The following SS18L1 variants were observed in gnomAD, a reference collection of about 807,000 sequenced individuals.
SS18L1 encodes the protein SS18L1 subunit of BAF chromatin remodeling complex.
SS18L1 carries 32 observed loss-of-function variants against 70.3 expected under a neutral mutation model. That is an observed-to-expected ratio of 0.46 (90% CI 0.34 to 0.61). SS18L1 has a LOEUF of 0.61. SS18L1 is among the 20% of genes least tolerant of loss of function. The pLI, the probability that SS18L1 is intolerant of heterozygous loss-of-function variation, is 0.01. For missense variants in SS18L1, 430 were observed against 542.1 expected (o/e 0.79, Z 2.05); for synonymous variants, 237 against 229.7 (o/e 1.03, Z -0.29).
At chr20:62,169,782 A>G (rs1365144463) in intron 8 of SS18L1, among the ~76,000 whole-genome samples, 3 of 127,360 alleles carry the variant, frequency 2.4e-5, no homozygotes, top group African/African-American at 8.6e-5. Context: ...TCCATCTCCA[A>G]AAAAAAAAAA....
At position 62,174,586 on chromosome 20, in the gene SS18L1, A is replaced by T; in HGVS notation, c.1106A>T (p.Tyr369Phe). 6.2e-7 allele frequency: 1 copy of T among 1,613,848 alleles called. No individual in the cohort carries two copies. The highest frequency in any genetic ancestry group is 8.5e-7 in the Non-Finnish European group (1 of 1,180,044). ...GGCCAAGGCCAGCAGTACGGAAGCT[A>T]CCGAGCACCGCAGACAGCGCCGTCT... The part of the protein sequence containing the change: ...QQGQGQQYGS[Y>F]RAPQTAPSAQ... The change falls in exon 10 of 11, where the codon TAC becomes TTC. Residue 369 changes from tyrosine (Y) to phenylalanine (F), a missense_variant. Tyr to Phe is a conservative substitution (Grantham distance 22). Coordinates refer to ENST00000331758, the MANE Select transcript of SS18L1 (RefSeq NM_198935.3). The surrounding 1 kb of genome is among the most constrained non-coding windows in gnomAD (Gnocchi z 4.1).
rs933341450 is a variant in SS18L1 at position 62,158,613 on chromosome 20, C to T, written c.70-59C>T. 15 of 1,590,188 alleles carry T rather than the reference C, an allele frequency of 9.4e-6. No homozygotes were observed. Among genetic ancestry groups the T allele is most frequent in the Non-Finnish European group, 1.3e-5 (15 of 1,170,914 alleles). On this transcript the variant is annotated intron_variant, in intron 1 of 10. Coordinates refer to ENST00000331758, the MANE Select transcript of SS18L1 (RefSeq NM_198935.3). The surrounding 1 kb of genome is among the most constrained non-coding windows in gnomAD (Gnocchi z 4.5). ...AACTAGATGTGTAGCGATGGCTGTT[C>T]ATCCCGAGGGTCAGCGACAGCCCCG...
In SS18L1 at chr20:62,174,375, T is replaced by C. The variant is rs1363110158; in HGVS notation, c.1037-142T>C. 1 of 1,395,376 alleles carries C rather than the reference T, an allele frequency of 7.2e-7. No individual in the cohort carries two copies. The allele number at this position is 1,395,376 out of a possible 1,614,324, so 86.4% of individuals were successfully genotyped here. A position where few individuals can be genotyped will look rare whatever the true frequency, so the allele number is the denominator to read the frequency against. On this transcript the variant is annotated intron_variant, in intron 9 of 10. Coordinates refer to ENST00000331758, the MANE Select transcript of SS18L1 (RefSeq NM_198935.3). This position sits in a 1 kb window ranked among gnomAD's most constrained non-coding sequence, Gnocchi z 4.1. ...AGCCACGTGCAGGTGCCAGGTGTTC[T>C]GGAGATTGACAAAAGGCTGATGCAT...
At chr20:62,162,646 G>A in intron 4 of SS18L1, 106 bp from the exon 5 acceptor site, 1 of 1,205,640 alleles carries the variant, frequency 8.3e-7, no homozygotes, top group Non-Finnish European at 1.1e-6. Flanking sequence ...GCTGTTGATA[G>A]CAACTCTTCC....
At chr20:62,157,196 C>A (rs1043425541) in intron 1 of SS18L1, among the ~76,000 whole-genome samples, 3 of 152,218 alleles carry the variant, frequency 2.0e-5, no homozygotes, top group Admixed American at 2.0e-4. Context: ...TGGCCCCAGC[C>A]CCTGTTCCTC....
At chr20:62,152,500 G>A (rs2057152120) in intron 1 of SS18L1, among the ~76,000 whole-genome samples, 1 of 152,218 alleles carries the variant, frequency 6.6e-6, no homozygotes, top group South Asian at 2.1e-4. Flanking sequence ...CCCTGAACCT[G>A]TAGAAACTCG....
chr20:62,161,324 G>T lies in SS18L1; in HGVS notation c.232-112G>T. ...GCTGATTACGAACATTGACCAGGTG[G>T]CCATGATGTGTGGCGGCAAATCTCG... On this transcript the variant is annotated intron_variant, in intron 3 of 10. Coordinates refer to ENST00000331758, the MANE Select transcript of SS18L1 (RefSeq NM_198935.3). The surrounding 1 kb of genome is among the most constrained non-coding windows in gnomAD (Gnocchi z 4.4). The T allele has an allele frequency of 6.9e-7, 1 of 1,459,054 alleles. No homozygotes were observed. Among genetic ancestry groups the T allele is most frequent in the Non-Finnish European group, 9.6e-7 (1 of 1,046,506 alleles). The allele number at this position is 1,459,054 out of a possible 1,614,324, so 90.4% of individuals were successfully genotyped here.
chr20:62,179,625 A>G lies in SS18L1; in HGVS notation c.*417A>G, dbSNP rs2057678136. 1 of 233,158 alleles carries G rather than the reference A, an allele frequency of 4.3e-6. No individual in the cohort carries two copies. The highest frequency in any genetic ancestry group is 6.2e-5 in the East Asian group (1 of 16,038). 14.4% of individuals were successfully genotyped at this position (233,158 alleles called of 1,614,324 possible). Reference sequence around the variant, plus strand: ...CATTTTCCTCCTCATGCAGTGTTGTAGTGTGGGTTGTCAACTTTTCTTTAA... The same window carrying G: ...CATTTTCCTCCTCATGCAGTGTTGTGGTGTGGGTTGTCAACTTTTCTTTAA... On this transcript the variant is annotated 3_prime_UTR_variant, in exon 11 of 11. Transcript: ENST00000331758.
rs1216570693 is a variant in SS18L1, at chr20:62,167,042, G to GTTTTT, written c.916+1545_916+1549dup. On this transcript the variant is annotated intron_variant, in intron 8 of 10. Coordinates refer to ENST00000331758, the MANE Select transcript of SS18L1 (RefSeq NM_198935.3). Reference sequence around the variant, plus strand: ...ATTGCTTGAGCTCAGGAGTTTGTTTGTTTTTTTTTTTTTTTTTTTTTGAGA... The same window carrying GTTTTT: ...ATTGCTTGAGCTCAGGAGTTTGTTTGTTTTTTTTTTTTTTTTTTTTTTTTTTGAGA... Among the ~76,000 whole-genome samples, 268 of 88,094 alleles carry GTTTTT rather than the reference G, an allele frequency of 3.0e-3. 1 individual carries two copies. Among genetic ancestry groups the GTTTTT allele is most frequent in the East Asian group, 6.4e-3 (15 of 2,338 alleles). The allele number at this position is 88,094 out of a possible 152,430, so 57.8% of individuals were successfully genotyped here.
At chr20:62,169,662 C>G (rs1267930529) in intron 8 of SS18L1, among the ~76,000 whole-genome samples, 1 of 152,050 alleles carries the variant, frequency 6.6e-6, no homozygotes, top group Non-Finnish European at 1.5e-5. Context: ...GTCTGTAAAG[C>G]CAGCTGCTTG....
Position 62,174,978 on chromosome 20 carries a change from C to T in SS18L1, c.1164+334C>T. On this transcript the variant is annotated intron_variant, in intron 10 of 10. Transcript: ENST00000331758. The surrounding 1 kb of genome is among the most constrained non-coding windows in gnomAD (Gnocchi z 4.1). ...TTGGTGTGTGGCCGCGACACGAACC[C>T]TGCACTTTTAGAGCTTATGTCTCGC... 1.1e-6 allele frequency: 1 copy of T among 916,430 alleles called. No individual in the cohort carries two copies. The highest frequency in any genetic ancestry group is 5.0e-5 in the South Asian group (1 of 19,886). 56.8% of individuals were successfully genotyped at this position (916,430 alleles called of 1,614,324 possible).
intron 1 of SS18L1, chr20:62,154,279 A>G (rs780286280): frequency 5.9e-6 from 6 of 1,012,752 alleles, no homozygotes; most frequent in Non-Finnish European, 7.1e-6. Flanking sequence ...TGACTCTGAC[A>G]GTTTTTGAAG....
Position 62,179,294 on chromosome 20 carries a change from C to T in SS18L1, c.*86C>T. The T allele has an allele frequency of 5.3e-6, 8 of 1,498,794 alleles. No homozygotes were observed. The highest frequency in any genetic ancestry group is 2.3e-5 in the East Asian group (1 of 44,356). The allele number at this position is 1,498,794 out of a possible 1,614,324, so 92.8% of individuals were successfully genotyped here. The stretch of plus-strand genomic sequence containing the variant: ...TGGCGGCAGCTCTGGTGAATTGTGA[C>T]ATGTTGGTTACCTGTTCGCCCAGTG... On this transcript the variant is annotated 3_prime_UTR_variant, in exon 11 of 11. Transcript: ENST00000331758.
chr20:62,176,330 T>C (rs6121943), intron 10 of SS18L1, among the ~76,000 whole-genome samples: 13,680 of 151,386 alleles, frequency 0.09, 758 homozygotes, highest in South Asian at 0.2. Flanking sequence ...CCAGCCAGGG[T>C]AACATAGCAA....
At chr20:62,153,797 G>GTTGGGTC (rs1055400222) in intron 1 of SS18L1, among the ~76,000 whole-genome samples, 6 of 152,308 alleles carry the variant, frequency 3.9e-5, no homozygotes, top group African/African-American at 1.4e-4. Context: ...CTTCTCTTGG[G>GTTGGGTC]TTGGGTCTTG....
At chr20:62,160,080 C>A (rs919710759) in intron 3 of SS18L1, 119 bp downstream of exon 3, 1 of 984,572 alleles carries the variant, frequency 1.0e-6, no homozygotes, top group African/African-American at 1.6e-5. Flanking sequence ...ACCAAAAATA[C>A]CACTAGAGCC....
chr20:62,167,317 AC>A (rs1359950867), intron 8 of SS18L1, among the ~76,000 whole-genome samples: 1 of 149,718 alleles, frequency 6.7e-6, no homozygotes, highest in Non-Finnish European at 1.5e-5. Context: ...TGCTGGGATT[AC>A]AGGCGTGAGC....
intron 10 of SS18L1, among the ~76,000 whole-genome samples, chr20:62,176,266 C>T (rs2057618052): frequency 6.6e-6 from 1 of 152,226 alleles, no homozygotes; most frequent in African/African-American, 2.4e-5. Flanking sequence ...GCCTGTAATC[C>T]CAGCACTTTG....
chr20:62,174,696 CAT>C lies in SS18L1; in HGVS notation c.1164+54_1164+55del, dbSNP rs764238534. 4 of 1,612,610 alleles carry C rather than the reference CAT, an allele frequency of 2.5e-6. No homozygotes were observed. In the Middle Eastern group the frequency reaches 5.0e-4, roughly 200 times the overall value. On this transcript the variant is annotated intron_variant, in intron 10 of 10. Transcript: ENST00000331758. The surrounding 1 kb of genome is among the most constrained non-coding windows in gnomAD (Gnocchi z 4.1). ...TGCCCATCCGCCGCGCCTGTCGAGA[CAT>C]AATGAAGATTTCTCTTATGGCCATG... is the stretch of plus-strand genomic sequence containing the variant.
Sources: gnomAD v4.1 joint callset for allele counts (sites outside exome capture counted in the v4.1 genomes callset) on GRCh38, gnomAD v4.1.1 for gene constraint, Gnocchi (gnomAD v3.1) non-coding constraint, MANE v1.5 for transcripts, NCBI Gene and HGNC (gene_info 2026-07-23, HGNC 2026-07-21) for gene names.